The following CRYBG1 variants were observed in gnomAD, a reference collection of about 807,000 sequenced individuals.
CRYBG1 encodes the protein crystallin beta-gamma domain containing 1.
In CRYBG1, 139 loss-of-function variants were observed where a neutral mutation model predicts 189.2. The ratio of observed to expected loss-of-function variants is 0.73; its 90% CI spans 0.64 to 0.85. CRYBG1 has a LOEUF of 0.85. Among genes scored for constraint, CRYBG1 ranks in the 40% least tolerant of loss-of-function variants. CRYBG1 has a pLI of 0.00. For synonymous variants in CRYBG1, 1,023 were observed against 1,017.1 expected (o/e 1.01, Z -0.11); for missense variants, 2,611 against 2,675.8 (o/e 0.98, Z 0.53).
intron 7 of CRYBG1, among the ~76,000 whole-genome samples, chr6:106,528,760 A>T (rs894011932): frequency 6.6e-6 from 1 of 152,156 alleles, no homozygotes; most frequent in Non-Finnish European, 1.5e-5. Flanking sequence ...ATGTTACCAC[A>T]GGTTTAGGGT....
intron 2 of CRYBG1, among the ~76,000 whole-genome samples, chr6:106,483,931 G>A (rs1473518053): frequency 6.6e-6 from 1 of 152,170 alleles, no homozygotes; most frequent in Admixed American, 6.5e-5. Flanking sequence ...TGCCCAGCCT[G>A]ATGTAAAGCA....
intron 1 of CRYBG1, among the ~76,000 whole-genome samples, chr6:106,362,212 G>T (rs1185769056): frequency 7.9e-5 from 12 of 151,278 alleles, no homozygotes; most frequent in Non-Finnish European, 1.6e-4. Flanking sequence ...CTCATGATCC[G>T]CCCGCCTCGG....
Position 106,486,815 on chromosome 6 carries a change from T to C in CRYBG1, c.313-24615T>C, listed in dbSNP as rs114015233. ...ATTTTCAGTATATGTTTGCCTTTAATGGTGAGGTTCATCTCTTATAGTTGG... is the reference window on the plus strand; with the variant it reads ...ATTTTCAGTATATGTTTGCCTTTAACGGTGAGGTTCATCTCTTATAGTTGG... On this transcript the variant is annotated intron_variant, in intron 2 of 21. Coordinates refer to ENST00000633556, the MANE Select transcript of CRYBG1 (RefSeq NM_001371242.2). Among the ~76,000 whole-genome samples, 1,434 of 152,222 alleles carry C rather than the reference T, an allele frequency of 9.4e-3. 21 individuals carry two copies. Among genetic ancestry groups the C allele is most frequent in the African/African-American group, 0.032 (1,330 of 41,568 alleles).
intron 1 of CRYBG1, among the ~76,000 whole-genome samples, chr6:106,450,216 CAAA>C (rs35161258): frequency 1.8e-3 from 205 of 111,800 alleles, no homozygotes; most frequent in South Asian, 4.9e-3. Flanking sequence ...GACTCTGTCT[CAAA>C]AAAAAAAAAA....
At chr6:106,454,046 C>A (rs1297181349) in intron 2 of CRYBG1, among the ~76,000 whole-genome samples, 1 of 152,124 alleles carries the variant, frequency 6.6e-6, no homozygotes, top group Non-Finnish European at 1.5e-5. Context: ...TGTAACACAC[C>A]CTCCACCTCA....
chr6:106,423,251 G>GCTTTTT (rs1771161360), intron 1 of CRYBG1, among the ~76,000 whole-genome samples: 1 of 80,872 alleles, frequency 1.2e-5, no homozygotes, highest in Non-Finnish European at 2.3e-5. Flanking sequence ...GAGTTGGCTG[G>GCTTTTT]TTTTTTTTTT....
At chr6:106,434,320 T>C (rs1387746505) in intron 1 of CRYBG1, among the ~76,000 whole-genome samples, 1 of 152,062 alleles carries the variant, frequency 6.6e-6, no homozygotes, top group Admixed American at 6.6e-5. Flanking sequence ...TGTGGGATGT[T>C]TTGGAGGATA....
chr6:106,382,932 A>T (rs1444396794), intron 1 of CRYBG1, among the ~76,000 whole-genome samples: 1 of 152,194 alleles, frequency 6.6e-6, no homozygotes, highest in Non-Finnish European at 1.5e-5. Context: ...TGACTTTATT[A>T]TTATTAAGTA....
intron 1 of CRYBG1, among the ~76,000 whole-genome samples, chr6:106,404,954 G>A (rs1770794200): frequency 6.6e-6 from 1 of 152,020 alleles, no homozygotes; most frequent in Admixed American, 6.5e-5. Context: ...AAACTGGGCA[G>A]CTGTTTGGGC....
intron 1 of CRYBG1, among the ~76,000 whole-genome samples, chr6:106,363,766 A>G (rs1369361513): frequency 6.6e-6 from 1 of 152,184 alleles, no homozygotes; most frequent in East Asian, 1.9e-4. Flanking sequence ...CACCTCTTAA[A>G]ATCTCAATTT....
rs111267319 is a variant in CRYBG1, at chr6:106,550,666, G to T, written c.5313-1186G>T. 4.4e-3 allele frequency among the ~76,000 whole-genome samples: 677 copies of T among 152,164 alleles called. 7 individuals are homozygous for T. The highest frequency in any genetic ancestry group is 3.8e-3 in the Non-Finnish European group (260 of 67,990). ...CTGTTGGAAACAATATTTTAGTTCT[G>T]TTCTGCATTTTTAAAAGCATTTCTT... On this transcript the variant is annotated intron_variant, in intron 13 of 21. Transcript: ENST00000633556.
At chr6:106,373,786 A>G (rs910856557) in intron 1 of CRYBG1, among the ~76,000 whole-genome samples, 3 of 152,232 alleles carry the variant, frequency 2.0e-5, no homozygotes, top group East Asian at 1.9e-4. Flanking sequence ...AAATCATTAT[A>G]GTCATTAATA....
rs190835939 is a variant in CRYBG1, at chr6:106,364,061, A to T, written c.173+2980A>T. On this transcript the variant is annotated intron_variant, in intron 1 of 21. Coordinates refer to ENST00000633556, the MANE Select transcript of CRYBG1 (RefSeq NM_001371242.2). ...CCAGTCCAGCCGGGTGCGGTCACTCACGCCTCTAATCCCAGTACTTTGGGA... is the reference window on the plus strand; with the variant it reads ...CCAGTCCAGCCGGGTGCGGTCACTCTCGCCTCTAATCCCAGTACTTTGGGA... Among the ~76,000 whole-genome samples the T allele has an allele frequency of 2.0e-5, 3 of 152,336 alleles. No individual in the cohort carries two copies. The East Asian group carries it at 5.8e-4, about 29-fold the overall frequency.
intron 3 of CRYBG1, among the ~76,000 whole-genome samples, chr6:106,518,086 ATAAGGT>A (rs1773483105): frequency 6.6e-6 from 1 of 152,252 alleles, no homozygotes; most frequent in Non-Finnish European, 1.5e-5. Flanking sequence ...AATGTTAACT[ATAAGGT>A]TAAGTCATTT....
intron 1 of CRYBG1, among the ~76,000 whole-genome samples, chr6:106,367,457 T>C (rs9373852): frequency 0.67 from 100,560 of 151,018 alleles, 33,632 homozygotes; most frequent in African/African-American, 0.74. Flanking sequence ...CGTGGTGGCA[T>C]ACGCCTGTAA....
chr6:106,520,107 ACCCAGGATGTGAGCT>A lies in CRYBG1; in HGVS notation c.2906_2920del (p.Asp969_Gln973del). 6 of 1,614,096 alleles carry A rather than the reference ACCCAGGATGTGAGCT, an allele frequency of 3.7e-6. No homozygotes were observed. Among genetic ancestry groups the A allele is most frequent in the Non-Finnish European group, 5.1e-6 (6 of 1,180,028 alleles). The stretch of plus-strand genomic sequence containing the variant: ...GTCCTTCGTGCTCCCCGTGGAGAGC[ACCCAGGATGTGAGCT>A]CCCAGGTCATCCCAGAGAGCTCTGA... On this transcript the variant is annotated inframe_deletion, in exon 4 of 22. Transcript: ENST00000633556.
intron 3 of CRYBG1, 70 bp downstream of exon 3, chr6:106,513,109 C>T: frequency 6.6e-7 from 1 of 1,506,072 alleles, no homozygotes; most frequent in African/African-American, 1.4e-5. Flanking sequence ...CTGAGAGGCT[C>T]GGGGTATCTG....
At position 106,520,723 on chromosome 6, in the gene CRYBG1, C is replaced by T. The variant is rs748904708; in HGVS notation, c.3515C>T (p.Ser1172Leu). ...AAGAAGGAAAGTCAGCCAGAAATGT[C>T]ACCGGCTTTACATTTGATGCAGAAC... ...GKKKESQPEM[S>L]PALHLMQNLD... The change falls in exon 4 of 22, where the codon TCA becomes TTA. Residue 1172 changes from serine to leucine, a missense_variant. By Grantham distance (145) the Ser-to-Leu change is moderately radical (BLOSUM62 -2). This residue lies in a region of CRYBG1 where 1,622 missense variants were observed against 1,735.0 expected (regional missense o/e 0.93). Coordinates refer to ENST00000633556, the MANE Select transcript of CRYBG1 (RefSeq NM_001371242.2). 1 of 1,614,164 alleles carries T rather than the reference C, an allele frequency of 6.2e-7. No homozygotes were observed. Among genetic ancestry groups the T allele is most frequent in the South Asian group, 1.1e-5 (1 of 91,076 alleles).
intron 1 of CRYBG1, among the ~76,000 whole-genome samples, chr6:106,363,921 GTCATCATCA>G (rs569724801): frequency 1.3e-5 from 2 of 151,902 alleles, no homozygotes; most frequent in East Asian, 3.9e-4. Flanking sequence ...AAGCATCCTG[GTCATCATCA>G]TCATCATCAT....
Sources: allele counts gnomAD v4.1 joint callset (sites outside exome capture counted in the v4.1 genomes callset), GRCh38; gene constraint gnomAD v4.1.1; regional missense constraint gnomAD v4.1.1; transcripts MANE v1.5; gene names NCBI Gene and HGNC (gene_info 2026-07-23, HGNC 2026-07-21).